Variants in KIAA1755 observed in about 807,000 individuals in gnomAD.
KIAA1755 encodes uncharacterized protein KIAA1755.
Under a neutral mutation model 91.7 loss-of-function variants are expected in KIAA1755, and 68 were observed. The ratio of observed to expected loss-of-function variants is 0.74; its 90% confidence interval spans 0.61 to 0.91. The LOEUF (loss-of-function observed/expected upper bound fraction) is 0.91, where lower values mean the gene tolerates loss of function less well. Among genes scored for constraint, KIAA1755 ranks in the 40% least tolerant of loss-of-function variants. The pLI is 0.00. For missense variants in KIAA1755, 1,535 were observed against 1,494.4 expected, an observed-to-expected ratio of 1.03 and a Z score of -0.45; for synonymous variants, 610 against 604.6, an observed-to-expected ratio of 1.01 and a Z score of -0.13.
At chr20:38,219,232 G>C (rs963419840) in intron 11 of KIAA1755, among the ~76,000 whole-genome samples, 1 of 150,618 alleles carries the variant, frequency 6.6e-6, no homozygotes, top group Non-Finnish European at 1.5e-5. Flanking sequence ...ACCAGGTGCA[G>C]GTTCCAGAAT....
chr20:38,216,815 C>T (rs1179331822), intron 13 of KIAA1755: 1 of 466,486 alleles, frequency 2.1e-6, no homozygotes, highest in Admixed American at 2.3e-5. Context: ...ATGGTGTACA[C>T]ACTCAGAAAT....
chr20:38,239,306 C>G, intron 4 of KIAA1755, among the ~76,000 whole-genome samples: 1 of 152,244 alleles, frequency 6.6e-6, no homozygotes, highest in Non-Finnish European at 1.5e-5. Flanking sequence ...GACAAGTAGA[C>G]AGATGGACAG....
chr20:38,223,577 G>A lies in KIAA1755; in HGVS notation c.2229C>T (p.Ile743=), dbSNP rs766742130. ...GGGGGTCGGCCTTCTCGAATTCCTC[G>A]ATGGAAGCTTGTAGCAGGGAAGAGG... ...HQASSLLQAS[I]EEFEKADPPG... The change falls in exon 9 of 14, where the codon ATC becomes ATT. Residue 743 remains isoleucine, a synonymous_variant. Transcript: ENST00000279024. The A allele has an allele frequency of 9.4e-6, 15 of 1,601,054 alleles. No homozygotes were observed. In the African/African-American group the frequency reaches 1.1e-4, roughly 12 times the overall value.
intron 2 of KIAA1755, among the ~76,000 whole-genome samples, chr20:38,242,726 G>T (rs1240870505): frequency 6.6e-6 from 1 of 152,192 alleles, no homozygotes; most frequent in Non-Finnish European, 1.5e-5. Flanking sequence ...ATCTGACCCT[G>T]CCACTAACTT....
chr20:38,225,483 T>C (rs1600586880), intron 8 of KIAA1755, 182 bp downstream of exon 8: 1 of 594,186 alleles, frequency 1.7e-6, no homozygotes, highest in East Asian at 3.0e-5. Flanking sequence ...GATTGCAATG[T>C]AGGCAGCCTG....
At chr20:38,216,966 T>C (rs1462526843) in intron 13 of KIAA1755, 3 of 658,504 alleles carry the variant, frequency 4.6e-6, no homozygotes, top group Non-Finnish European at 8.4e-6. Flanking sequence ...TGTTCAAATC[T>C]CAGCTCTTCC....
At chr20:38,249,799 C>G (rs546334622) in intron 1 of KIAA1755, among the ~76,000 whole-genome samples, 102 of 152,186 alleles carry the variant, frequency 6.7e-4, no homozygotes, top group African/African-American at 2.0e-3. Context: ...TCTAATCCCC[C>G]CCCAACCCCC....
At position 38,217,441 on chromosome 20, in the gene KIAA1755, G is replaced by A. The variant is rs1305992149; in HGVS notation, c.2713C>T (p.Gln905Ter). The change falls in exon 13 of 14, where the codon CAG becomes TAG. Residue 905 changes from glutamine to a stop codon, truncating the protein, a stop_gained. Transcript: ENST00000279024. LOFTEE classifies it high-confidence loss of function. ...QYRRGLELSK[Q>*]AAQLGATARG... ...GCTGTAGCTCCCAGCTGAGCGGCCT[G>A]CTTGGACAGCTCCAGGCCTCGGCGG... 6.2e-7 allele frequency: 1 copy of A among 1,611,908 alleles called. No individual in the cohort carries two copies. Among genetic ancestry groups the A allele is most frequent in the Admixed American group, 1.7e-5 (1 of 59,854 alleles).
chr20:38,251,750 G>C (rs776360286), intron 1 of KIAA1755, among the ~76,000 whole-genome samples: 2 of 152,076 alleles, frequency 1.3e-5, no homozygotes, highest in Non-Finnish European at 2.9e-5. Flanking sequence ...AGTTTTAGTA[G>C]AGATGCAGTT....
intron 11 of KIAA1755, among the ~76,000 whole-genome samples, chr20:38,218,919 G>A (rs546292488): frequency 6.6e-6 from 1 of 152,106 alleles, no homozygotes; most frequent in African/African-American, 2.4e-5. Context: ...AGGGATAGAG[G>A]GTATATAATG....
intron 5 of KIAA1755, among the ~76,000 whole-genome samples, chr20:38,230,499 G>A (rs1440406289): frequency 6.6e-6 from 1 of 152,130 alleles, no homozygotes; most frequent in Non-Finnish European, 1.5e-5. Flanking sequence ...AGATTTTCAG[G>A]TCCCACCCAC....
intron 3 of KIAA1755, 94 bp from the exon 4 acceptor site, chr20:38,239,819 A>G: frequency 3.5e-6 from 4 of 1,131,020 alleles, no homozygotes; most frequent in Non-Finnish European, 5.2e-6. Flanking sequence ...GACTAATAAT[A>G]GCTTACAACT....
intron 1 of KIAA1755, among the ~76,000 whole-genome samples, chr20:38,258,534 C>G (rs2076378301): frequency 6.6e-6 from 1 of 152,132 alleles, no homozygotes; most frequent in Non-Finnish European, 1.5e-5. Flanking sequence ...GATGGGTTAT[C>G]ATAAAGGAAA....
At chr20:38,216,991 T>G in intron 13 of KIAA1755, 1 of 673,062 alleles carries the variant, frequency 1.5e-6, no homozygotes, top group Non-Finnish European at 2.7e-6. Flanking sequence ...CCTCTGTTTT[T>G]TTCCTGTTAC....
At position 38,241,662 on chromosome 20, in the gene KIAA1755, A is replaced by T. The variant is rs2076069142; in HGVS notation, c.469T>A (p.Phe157Ile). The T allele has an allele frequency of 6.2e-7, 1 of 1,614,068 alleles. No homozygotes were observed. Among genetic ancestry groups the T allele is most frequent in the Non-Finnish European group, 8.5e-7 (1 of 1,180,044 alleles). ...QEWLEAINSDFEGNPLHNCLV... is the reference protein window; with the variant it reads ...QEWLEAINSDIEGNPLHNCLV... ...CAGTTGTGTAGGGGATTTCCCTCAA[A>T]GTCACTGTTGATGGCCTCCAGCCAT... Residue 157 changes from phenylalanine (F) to isoleucine (I), a missense_variant, in exon 3 of 14, where the codon TTT (phenylalanine) becomes ATT (isoleucine). Coordinates refer to ENST00000279024, the MANE Select transcript of KIAA1755 (RefSeq NM_001029864.2).
chr20:38,243,555 C>T (rs79329641), intron 2 of KIAA1755, among the ~76,000 whole-genome samples: 8,097 of 152,260 alleles, frequency 0.053, 321 homozygotes, highest in African/African-American at 0.11. Flanking sequence ...TGTAGGCAGT[C>T]CAGGCATTAT....
chr20:38,245,021 C>T (rs556438511), intron 2 of KIAA1755, among the ~76,000 whole-genome samples: 9 of 152,266 alleles, frequency 5.9e-5, no homozygotes, highest in South Asian at 2.1e-4. Context: ...CCACCACTGC[C>T]GGCCTTCTCA....
chr20:38,223,658 GGCA>G (rs747448216), intron 8 of KIAA1755, 22 bp from the exon 9 acceptor site: 1 of 1,592,482 alleles, frequency 6.3e-7, no homozygotes, highest in Non-Finnish European at 8.6e-7. Context: ...AGGACCAAAG[GGCA>G]GGTGTCAGCC....
chr20:38,233,861 C>G (rs538910958), intron 4 of KIAA1755: 16 of 152,284 alleles, frequency 1.1e-4, no homozygotes, highest in African/African-American at 3.9e-4. Flanking sequence ...ATGTGGAAGT[C>G]TTAACTCCCA....
Sources: allele counts gnomAD v4.1 joint callset (sites outside exome capture counted in the v4.1 genomes callset), GRCh38; gene constraint gnomAD v4.1.1; transcripts MANE v1.5; gene names NCBI Gene and HGNC (gene_info 2026-07-23, HGNC 2026-07-21).